Variants in KLHL12 observed in about 807,000 individuals in gnomAD.
The protein encoded by KLHL12 is kelch-like protein 12.
KLHL12 carries 17 observed loss-of-function variants against 60.8 expected under a neutral mutation model. That is an observed-to-expected ratio of 0.28 (90% CI 0.19 to 0.42). The LOEUF is 0.42. KLHL12 is among the 10% of genes least tolerant of loss of function. The pLI, the probability that KLHL12 is intolerant of heterozygous loss-of-function variation, is 1.00. For synonymous variants in KLHL12, 220 were observed against 250.9 expected (o/e 0.88, Z 1.16); for missense variants, 468 against 722.3 (o/e 0.65, Z 4.04).
intron 4 of KLHL12, among the ~76,000 whole-genome samples, chr1:202,915,339 T>C (rs942609180): frequency 3.3e-5 from 5 of 152,202 alleles, no homozygotes; most frequent in African/African-American, 1.2e-4. Context: ...TATTATTTTA[T>C]TTAATAAGAG....
intron 4 of KLHL12, chr1:202,912,555 T>C (rs1660397401): frequency 1.8e-6 from 2 of 1,094,116 alleles, no homozygotes; most frequent in Non-Finnish European, 2.8e-6. Context: ...TACAGTGATT[T>C]TGGCAACTAC....
rs368473168 is a variant in KLHL12 at position 202,926,104 on chromosome 1, C to CAA, written c.-45-899_-45-898dup. Among the ~76,000 whole-genome samples the CAA allele has an allele frequency of 5.8e-3, 344 of 59,434 alleles. 3 individuals carry two copies. Among genetic ancestry groups the CAA allele is most frequent in the African/African-American group, 0.016 (321 of 19,718 alleles). The allele number at this position is 59,434 out of a possible 152,430, so 39.0% of individuals were successfully genotyped here. On this transcript the variant is annotated intron_variant, in intron 1 of 11. Coordinates refer to ENST00000367261, the MANE Select transcript of KLHL12 (RefSeq NM_021633.4). The stretch of plus-strand genomic sequence containing the variant: ...TGGGCAACAGAGCGAGACTCTGTCT[C>CAA]AAAAAAAAAAAAAAAAAAAGAAACT...
At chr1:202,922,417 A>G (rs1257309402) in intron 2 of KLHL12, among the ~76,000 whole-genome samples, 2 of 151,282 alleles carry the variant, frequency 1.3e-5, no homozygotes, top group African/African-American at 4.9e-5. Context: ...AATACAAAAA[A>G]TTAGCCAGGC....
chr1:202,920,844 T>A (rs752563420), intron 2 of KLHL12, among the ~76,000 whole-genome samples: 8 of 152,226 alleles, frequency 5.3e-5, no homozygotes, highest in Non-Finnish European at 1.0e-4. Context: ...AATACAGATG[T>A]ATTTACAGAA....
chr1:202,921,710 A>C (rs1325791862), intron 2 of KLHL12, among the ~76,000 whole-genome samples: 2 of 152,240 alleles, frequency 1.3e-5, no homozygotes, highest in African/African-American at 2.4e-5. Flanking sequence ...AAGAGAAGAA[A>C]TCTTCAATTT....
At chr1:202,926,609 G>A (rs1460294641) in intron 1 of KLHL12, among the ~76,000 whole-genome samples, 1 of 152,122 alleles carries the variant, frequency 6.6e-6, no homozygotes, top group Non-Finnish European at 1.5e-5. Flanking sequence ...GTCTTTTATC[G>A]TTTCCGTGTC....
At chr1:202,922,434 G>GAAA (rs747477655) in intron 2 of KLHL12, among the ~76,000 whole-genome samples, 1 of 105,094 alleles carries the variant, frequency 9.5e-6, no homozygotes, top group Non-Finnish European at 2.1e-5. Context: ...AGGCGTCAAG[G>GAAA]AAAAAAAAAA....
chr1:202,917,713 A>T (rs959625956), intron 4 of KLHL12, among the ~76,000 whole-genome samples: 1 of 152,130 alleles, frequency 6.6e-6, no homozygotes, highest in African/African-American at 2.4e-5. Flanking sequence ...TATTCTCATG[A>T]TCCTCTTTAT....
chr1:202,893,209 T>A lies in KLHL12; in HGVS notation c.1580+30A>T. On this transcript the variant is annotated intron_variant, in intron 11 of 11. Transcript: ENST00000367261. This position sits in a 1 kb window ranked among gnomAD's most constrained non-coding sequence, Gnocchi z 4.1. ...CATAGACTCTTGCTCTGGCTACATATTGAGTCTGGATTCGTTTCTAAATCC... is the reference window on the plus strand; with the variant it reads ...CATAGACTCTTGCTCTGGCTACATAATGAGTCTGGATTCGTTTCTAAATCC... 6.5e-7 allele frequency: 1 copy of A among 1,546,370 alleles called. No individual in the cohort carries two copies. Among genetic ancestry groups the A allele is most frequent in the Non-Finnish European group, 8.8e-7 (1 of 1,140,458 alleles).
In KLHL12 at chr1:202,893,379, T is replaced by C; in HGVS notation, c.1440A>G (p.Gly480=). The C allele has an allele frequency of 1.2e-6, 2 of 1,613,724 alleles. No homozygotes were observed. Among genetic ancestry groups the C allele is most frequent in the Non-Finnish European group, 1.7e-6 (2 of 1,179,880 alleles). The change falls in exon 11 of 12, where the codon GGA becomes GGG. Residue 480 remains glycine, a synonymous_variant. Coordinates refer to ENST00000367261, the MANE Select transcript of KLHL12 (RefSeq NM_021633.4). The surrounding 1 kb of genome is among the most constrained non-coding windows in gnomAD (Gnocchi z 4.1). Reference sequence around the variant, plus strand: ...AAGAAAGGTGGGCTGTACCATCAAATCCCCCCACCACATAAATATGGTCAT... The same window carrying C: ...AAGAAAGGTGGGCTGTACCATCAAACCCCCCCACCACATAAATATGGTCAT... ...LLNDHIYVVG[G]FDGTAHLSSV...
chr1:202,908,928 T>C (rs1301802168), intron 6 of KLHL12, 82 bp downstream of exon 6: 2 of 865,914 alleles, frequency 2.3e-6, no homozygotes, highest in Non-Finnish European at 3.9e-6. Context: ...GTACTTCTTA[T>C]AGAGTATTAT....
At chr1:202,912,721 G>T in intron 4 of KLHL12, 1 of 1,400,878 alleles carries the variant, frequency 7.1e-7, no homozygotes, top group Admixed American at 1.7e-5. Flanking sequence ...GGCAGTGGCA[G>T]AAGATTTTAA....
chr1:202,918,958 G>A (rs1049830688), intron 3 of KLHL12, among the ~76,000 whole-genome samples: 12 of 152,138 alleles, frequency 7.9e-5, no homozygotes, highest in African/African-American at 2.9e-4. Context: ...TGTTAAAAAA[G>A]AAAAACTGGG....
intron 4 of KLHL12, 62 bp from the exon 5 acceptor site, chr1:202,911,265 C>T (rs1660346725): frequency 9.6e-6 from 15 of 1,554,902 alleles, no homozygotes; most frequent in South Asian, 5.7e-5. Context: ...CATCTCAAAA[C>T]GTAACCACGT....
intron 6 of KLHL12, among the ~76,000 whole-genome samples, chr1:202,898,828 C>A (rs775809741): frequency 6.6e-6 from 1 of 151,834 alleles, no homozygotes; most frequent in Non-Finnish European, 1.5e-5. Context: ...ATTTGAACAA[C>A]ATAAGTACTC....
At chr1:202,903,159 C>CAAAA (rs67432749) in intron 6 of KLHL12, among the ~76,000 whole-genome samples, 6 of 52,020 alleles carry the variant, frequency 1.2e-4, no homozygotes, top group African/African-American at 2.9e-4. Context: ...GACCTTGTCT[C>CAAAA]AAAAAAAAAA....
At chr1:202,912,559 C>G in intron 4 of KLHL12, 1 of 1,106,860 alleles carries the variant, frequency 9.0e-7, no homozygotes, top group Non-Finnish European at 1.4e-6. Context: ...GTGATTTTGG[C>G]AACTACAATA....
At chr1:202,903,416 C>T (rs781703249) in intron 6 of KLHL12, among the ~76,000 whole-genome samples, 5 of 141,738 alleles carry the variant, frequency 3.5e-5, no homozygotes, top group Non-Finnish European at 7.6e-5. Flanking sequence ...TGCCCTTCTG[C>T]GAACTGTACA....
chr1:202,918,627 G>A (rs1274856556), intron 3 of KLHL12, among the ~76,000 whole-genome samples: 1 of 152,124 alleles, frequency 6.6e-6, no homozygotes, highest in Non-Finnish European at 1.5e-5. Flanking sequence ...AATGAGTATT[G>A]CAAGATGAAT....
Sources: gnomAD v4.1 joint callset for allele counts (sites outside exome capture counted in the v4.1 genomes callset) on GRCh38, gnomAD v4.1.1 for gene constraint, Gnocchi (gnomAD v3.1) non-coding constraint, MANE v1.5 for transcripts, NCBI Gene and HGNC (gene_info 2026-07-23, HGNC 2026-07-21) for gene names.